Variants in FYB2 observed in about 807,000 individuals in gnomAD.
The protein encoded by FYB2 is FYN binding protein 2, also known as FYN-binding protein 2.
FYB2 carries 103 observed loss-of-function variants against 94.1 expected under a neutral mutation model. The ratio of observed to expected loss-of-function variants is 1.09; its 90% CI spans 0.93 to 1.29. FYB2 has a LOEUF of 1.29. Among genes scored for constraint, FYB2 ranks in the 50% most tolerant of loss-of-function variants. FYB2 has a pLI of 0.00. For missense variants in FYB2, 896 were observed against 841.5 expected (o/e 1.06, Z -0.80); for synonymous variants, 293 against 287.9 (o/e 1.02, Z -0.18).
At chr1:56,752,099 G>A (rs918041490) in intron 8 of FYB2, among the ~76,000 whole-genome samples, 3 of 151,992 alleles carry the variant, frequency 2.0e-5, no homozygotes, top group Admixed American at 2.0e-4. Flanking sequence ...TAGCAAGGAG[G>A]CTGCTGATAA....
rs376764813 is a variant in FYB2, at chr1:56,789,054, G to C, written c.838C>G (p.Pro280Ala). The C allele has an allele frequency of 1.4e-5, 22 of 1,613,916 alleles. 1 individual carries two copies. Among genetic ancestry groups the C allele is most frequent in the African/African-American group, 1.3e-5 (1 of 74,922 alleles). The change falls in exon 3 of 20, where the codon CCA becomes GCA. Residue 280 changes from proline to alanine, a missense_variant. Pro to Ala is a conservative substitution (Grantham distance 27). Transcript: ENST00000343433. The stretch of plus-strand genomic sequence containing the variant: ...ACGATGGGAGGTCTTGAAGGCTTTG[G>C]GGGAGGAGGACCCAGGGAGTCGATG... ...PSIDSLGPPP[P>A]KPSRPPIVNL...
In FYB2 at chr1:56,792,588, T is replaced by C. The variant is rs1646297115; in HGVS notation, c.225A>G (p.Gln75=). The change falls in exon 2 of 20, where the codon CAA becomes CAG. Residue 75 remains glutamine, a synonymous_variant. Coordinates refer to ENST00000343433, the MANE Select transcript of FYB2 (RefSeq NM_001004303.5). ...TCTGAGCCAACTTTATTTTCTGAGG[T>C]TGAAGAGGCTGGGACTCACTACTGG... ...YCSSSESQPL[Q]PQKIKLAQKS... 1.2e-6 allele frequency: 2 copies of C among 1,614,108 alleles called. No individual in the cohort carries two copies. The highest frequency in any genetic ancestry group is 2.2e-5 in the East Asian group (1 of 44,866).
chr1:56,774,286 G>A (rs141900498), intron 4 of FYB2, among the ~76,000 whole-genome samples: 4 of 152,226 alleles, frequency 2.6e-5, no homozygotes, highest in East Asian at 1.9e-4. Context: ...TGGGTGGTTC[G>A]ACCTAAGTCT....
intron 16 of FYB2, among the ~76,000 whole-genome samples, chr1:56,723,986 G>A (rs1644537269): frequency 6.6e-6 from 1 of 151,610 alleles, no homozygotes; most frequent in South Asian, 2.1e-4. Context: ...AGATAATAAC[G>A]GGATAAAATC....
chr1:56,788,828 G>A, intron 3 of FYB2, 145 bp downstream of exon 3: 1 of 1,181,444 alleles, frequency 8.5e-7, no homozygotes, highest in South Asian at 1.4e-5. Context: ...TCATGGGCAA[G>A]CTGCCACAGC....
At position 56,762,543 on chromosome 1, in the gene FYB2, A is replaced by G. The variant is rs549976043; in HGVS notation, c.1064-3793T>C. On this transcript the variant is annotated intron_variant, in intron 5 of 19. Coordinates refer to ENST00000343433, the MANE Select transcript of FYB2 (RefSeq NM_001004303.5). Reference sequence around the variant, plus strand: ...ATTTGTATGTTCATTCCTGATATACAGAAATATAATTGATTTTTTTGTACA... The same window carrying G: ...ATTTGTATGTTCATTCCTGATATACGGAAATATAATTGATTTTTTTGTACA... 3.4e-4 allele frequency among the ~76,000 whole-genome samples: 52 copies of G among 152,332 alleles called. 1 individual carries two copies. The highest frequency in any genetic ancestry group is 1.2e-3 in the African/African-American group (50 of 41,580).
At chr1:56,755,042 T>C (rs1019156688) in intron 7 of FYB2, among the ~76,000 whole-genome samples, 2 of 152,030 alleles carry the variant, frequency 1.3e-5, no homozygotes, top group African/African-American at 4.8e-5. Flanking sequence ...AATTTTGATA[T>C]TTGCTTCTCC....
rs781546388 is a variant in FYB2 at position 56,792,416 on chromosome 1, C to A, written c.397G>T (p.Ala133Ser). The change falls in exon 2 of 20, where the codon GCC becomes TCC. Residue 133 changes from alanine (A) to serine (S), a missense_variant. Physicochemically the swap from Ala to Ser is moderately conservative, Grantham distance 99. Transcript: ENST00000343433. ...CAGAGTTTGTTTCTGAAGCTATTGG[C>A]CACCATTACTTTTTCCTTAGTGATT... is the stretch of plus-strand genomic sequence containing the variant. ...EIITKEKVMV[A>S]NSFRNKLWNW... The A allele has an allele frequency of 6.2e-7, 1 of 1,614,144 alleles. No individual in the cohort carries two copies. Among genetic ancestry groups the A allele is most frequent in the East Asian group, 2.2e-5 (1 of 44,876 alleles).
chr1:56,796,663 C>A lies in FYB2; in HGVS notation c.10-3860G>T, dbSNP rs145268706. On this transcript the variant is annotated intron_variant, in intron 1 of 19. Coordinates refer to ENST00000343433, the MANE Select transcript of FYB2 (RefSeq NM_001004303.5). ...CTTTTGCTTAGCACATAAGACCCAT[C>A]CTAATCCCGACCCTCTTAATGCTCC... is the stretch of plus-strand genomic sequence containing the variant. Among the ~76,000 whole-genome samples, 556 of 152,286 alleles carry A rather than the reference C, an allele frequency of 3.7e-3. 2 individuals are homozygous for A. Among genetic ancestry groups the A allele is most frequent in the Middle Eastern group, 0.014 (4 of 294 alleles).
chr1:56,800,465 A>G (rs1163950851), intron 1 of FYB2, among the ~76,000 whole-genome samples: 1 of 152,156 alleles, frequency 6.6e-6, no homozygotes, highest in Non-Finnish European at 1.5e-5. Flanking sequence ...CTTCCTATGT[A>G]AAGGCAAAAA....
At chr1:56,816,309 A>G (rs1326792705) in intron 1 of FYB2, among the ~76,000 whole-genome samples, 4 of 152,168 alleles carry the variant, frequency 2.6e-5, no homozygotes, top group Non-Finnish European at 4.4e-5. Flanking sequence ...GAATGGCTAG[A>G]AGGCTAGGCT....
chr1:56,723,209 ACACACACACACACACG>A (rs990304288), intron 17 of FYB2, among the ~76,000 whole-genome samples: 6 of 149,788 alleles, frequency 4.0e-5, no homozygotes, highest in African/African-American at 1.5e-4. Flanking sequence ...TCACAGACAC[ACACACACACACACACG>A]CACACACACA....
At chr1:56,796,897 TGC>T (rs1646413213) in intron 1 of FYB2, among the ~76,000 whole-genome samples, 1 of 152,192 alleles carries the variant, frequency 6.6e-6, no homozygotes, top group Non-Finnish European at 1.5e-5. Flanking sequence ...ATTTGTTGGT[TGC>T]CTACTATGCA....
At chr1:56,735,572 T>TCAC (rs1261861316) in intron 15 of FYB2, among the ~76,000 whole-genome samples, 8 of 152,206 alleles carry the variant, frequency 5.3e-5, no homozygotes, top group Non-Finnish European at 1.2e-4. Context: ...CCACTAAACC[T>TCAC]CACCTTGAAT....
At chr1:56,796,255 T>C (rs1351074065) in intron 1 of FYB2, among the ~76,000 whole-genome samples, 1 of 152,196 alleles carries the variant, frequency 6.6e-6, no homozygotes, top group Non-Finnish European at 1.5e-5. Context: ...ATGCCTTTTG[T>C]TTTTTATTAT....
intron 4 of FYB2, among the ~76,000 whole-genome samples, chr1:56,783,257 A>T (rs1463968790): frequency 6.6e-6 from 1 of 152,144 alleles, no homozygotes; most frequent in Non-Finnish European, 1.5e-5. Context: ...AGATGTGTGT[A>T]TCGAAGATCT....
intron 5 of FYB2, among the ~76,000 whole-genome samples, chr1:56,767,074 C>T (rs899509477): frequency 5.3e-5 from 8 of 152,116 alleles, no homozygotes; most frequent in African/African-American, 1.4e-4. Flanking sequence ...GTGATCAAAC[C>T]ACTCTATCAG....
At chr1:56,757,675 T>TTTCCTTCCTTCCTTCC (rs765794124) in intron 6 of FYB2, among the ~76,000 whole-genome samples, 15 of 99,014 alleles carry the variant, frequency 1.5e-4, no homozygotes, top group South Asian at 1.2e-3. Context: ...TTCTTTCCTC[T>TTTCCTTCCTTCCTTCC]TTCCTTCCTT....
chr1:56,775,889 T>C (rs1470417389), intron 4 of FYB2, among the ~76,000 whole-genome samples: 2 of 152,222 alleles, frequency 1.3e-5, no homozygotes, highest in Admixed American at 1.3e-4. Flanking sequence ...TTCTCATTCA[T>C]TAAGTTACAT....
Sources: allele counts gnomAD v4.1 joint callset (sites outside exome capture counted in the v4.1 genomes callset), GRCh38; gene constraint gnomAD v4.1.1; transcripts MANE v1.5; gene names NCBI Gene and HGNC (gene_info 2026-07-23, HGNC 2026-07-21).